Variants in RALGAPA2 observed in about 807,000 individuals in gnomAD.
The protein encoded by RALGAPA2 is Ral GTPase activating protein catalytic subunit alpha 2, also known as ral GTPase-activating protein subunit alpha-2.
Under a neutral mutation model 230.4 loss-of-function variants are expected in RALGAPA2, and 139 were observed. The observed-to-expected ratio is 0.60, with a 90% CI of 0.53 to 0.69. The LOEUF is 0.69. Among genes scored for constraint, RALGAPA2 ranks in the 30% least tolerant of loss-of-function variants. RALGAPA2 has a pLI of 0.00. For synonymous variants in RALGAPA2, 847 were observed against 837.8 expected (o/e 1.01, Z -0.19); for missense variants, 2,163 against 2,276.0 (o/e 0.95, Z 1.01).
intron 13 of RALGAPA2, 37 bp from the exon 14 acceptor site, chr20:20,611,463 A>C (rs2065973381): frequency 1.9e-6 from 3 of 1,601,322 alleles, no homozygotes; most frequent in Non-Finnish European, 2.6e-6. Flanking sequence ...ATTAATAATC[A>C]TGTCTCCAAA....
intron 17 of RALGAPA2, among the ~76,000 whole-genome samples, chr20:20,589,923 CAA>C (rs1234920462): frequency 6.6e-6 from 1 of 150,518 alleles, no homozygotes; most frequent in East Asian, 1.9e-4. Flanking sequence ...CATAATTTAT[CAA>C]AGTCAGAACA....
intron 30 of RALGAPA2, among the ~76,000 whole-genome samples, chr20:20,522,179 A>C (rs753282214): frequency 2.6e-5 from 4 of 151,970 alleles, no homozygotes; most frequent in Non-Finnish European, 5.9e-5. Flanking sequence ...TTCACCAATA[A>C]GGCAGAATAC....
intron 23 of RALGAPA2, among the ~76,000 whole-genome samples, chr20:20,558,446 G>C (rs1215423630): frequency 6.6e-6 from 1 of 152,144 alleles, no homozygotes; most frequent in East Asian, 1.9e-4. Context: ...ACAGATGATT[G>C]CTTCAGCTTA....
intron 1 of RALGAPA2, among the ~76,000 whole-genome samples, chr20:20,684,853 G>T (rs2068645137): frequency 6.6e-6 from 1 of 152,104 alleles, no homozygotes; most frequent in Non-Finnish European, 1.5e-5. Flanking sequence ...TACAAGAAAG[G>T]TACTTAACAC....
chr20:20,536,548 C>A, intron 25 of RALGAPA2, 108 bp downstream of exon 25: 1 of 1,269,130 alleles, frequency 7.9e-7, no homozygotes, highest in Non-Finnish European at 1.1e-6. Context: ...AAAGATACAG[C>A]AAAACTTCAG....
intron 23 of RALGAPA2, among the ~76,000 whole-genome samples, chr20:20,549,794 G>A (rs376682219): frequency 6.6e-6 from 1 of 152,092 alleles, no homozygotes; most frequent in Non-Finnish European, 1.5e-5. Flanking sequence ...TTAAGACACA[G>A]CTATAACAGA....
At position 20,591,230 on chromosome 20, in the gene RALGAPA2, C is replaced by T. The variant is rs752927876; in HGVS notation, c.2288G>A (p.Arg763Gln). Residue 763 changes from arginine (R) to glutamine (Q), a missense_variant, in exon 17 of 40, where the codon CGG (arginine) becomes CAG (glutamine). Transcript: ENST00000202677. Reference sequence around the variant, plus strand: ...GGGGATGTCGGAGGTGCTGCTGCTCCGAAGGACCTGCTGCTGCTGTCCCAC... The same window carrying T: ...GGGGATGTCGGAGGTGCTGCTGCTCTGAAGGACCTGCTGCTGCTGTCCCAC... ...LTVGQQQQVL[R>Q]SSSTSDIPEP... 16 of 1,613,738 alleles carry T rather than the reference C, an allele frequency of 9.9e-6. No individual in the cohort carries two copies. The highest frequency in any genetic ancestry group is 1.6e-4 in the Middle Eastern group (1 of 6,082).
Position 20,637,495 on chromosome 20 carries a change from T to G in RALGAPA2, c.673A>C (p.Ser225Arg), listed in dbSNP as rs2066895802. The G allele has an allele frequency of 9.0e-6, 14 of 1,562,910 alleles. No homozygotes were observed. Among genetic ancestry groups the G allele is most frequent in the Non-Finnish European group, 1.2e-5 (14 of 1,152,672 alleles). Residue 225 changes from serine (S) to arginine (R), a missense_variant, in exon 8 of 40, where the codon AGC becomes CGC. By Grantham distance (110) the Ser-to-Arg change is moderately radical (BLOSUM62 -1). Coordinates refer to ENST00000202677, the MANE Select transcript of RALGAPA2 (RefSeq NM_020343.4). The part of the protein sequence containing the change: ...LLKYMVIQAA[S>R]LEWKNKENQD... The stretch of plus-strand genomic sequence containing the variant: ...TTCTCCTTATTCTTCCACTCCAAGC[T>G]CGCAGCCTTTGGATAATATGTGGAA...
At chr20:20,580,911 T>C (rs1470961162) in intron 20 of RALGAPA2, among the ~76,000 whole-genome samples, 1 of 152,238 alleles carries the variant, frequency 6.6e-6, no homozygotes, top group African/African-American at 2.4e-5. Flanking sequence ...AATCAAATTG[T>C]TTCTCTTTGC....
intron 1 of RALGAPA2, among the ~76,000 whole-genome samples, chr20:20,699,294 A>G (rs2069246804): frequency 6.6e-6 from 1 of 152,216 alleles, no homozygotes; most frequent in Non-Finnish European, 1.5e-5. Flanking sequence ...TCCAAAATAA[A>G]TATTTGCAAT....
chr20:20,639,621 C>T (rs139362402), intron 7 of RALGAPA2, among the ~76,000 whole-genome samples, 164 bp downstream of exon 7: 242 of 152,112 alleles, frequency 1.6e-3, no homozygotes, highest in African/African-American at 5.7e-3. Context: ...GCTGAAGTGA[C>T]CTAAAAAATG....
chr20:20,396,600 T>C lies in RALGAPA2; in HGVS notation c.*35+95A>G. 4.2e-6 allele frequency: 5 copies of C among 1,195,612 alleles called. No homozygotes were observed. The South Asian group carries it at 6.0e-5, about 14-fold the overall frequency. 74.1% of individuals were successfully genotyped at this position (1,195,612 alleles called of 1,614,324 possible). On this transcript the variant is annotated intron_variant, in intron 39 of 39. Transcript: ENST00000202677. The stretch of plus-strand genomic sequence containing the variant: ...GGCCCAGGAGGGCGAGGAGCACTGA[T>C]GCAGGGTCCGCTACCGAGGGCAGCC...
chr20:20,440,269 G>A (rs928553252), intron 37 of RALGAPA2, among the ~76,000 whole-genome samples: 11 of 152,090 alleles, frequency 7.2e-5, no homozygotes, highest in South Asian at 4.1e-4. Flanking sequence ...TATGGAATTC[G>A]GGCCAAAATA....
chr20:20,598,424 A>G (rs1249367043), intron 16 of RALGAPA2, among the ~76,000 whole-genome samples: 7 of 152,178 alleles, frequency 4.6e-5, no homozygotes. Flanking sequence ...TTAAATAGCT[A>G]TGGACTGAAA....
chr20:20,497,797 G>A (rs572004256), intron 35 of RALGAPA2, among the ~76,000 whole-genome samples: 3 of 152,190 alleles, frequency 2.0e-5, no homozygotes, highest in Non-Finnish European at 4.4e-5. Flanking sequence ...TGGCAATTCT[G>A]TAATTAAGGA....
chr20:20,667,196 T>C (rs2067982135), intron 3 of RALGAPA2, among the ~76,000 whole-genome samples: 1 of 152,214 alleles, frequency 6.6e-6, no homozygotes, highest in African/African-American at 2.4e-5. Context: ...GTACTGGATA[T>C]AGCTATATTA....
At chr20:20,452,242 G>GT (rs2061003085) in intron 37 of RALGAPA2, among the ~76,000 whole-genome samples, 1 of 152,196 alleles carries the variant, frequency 6.6e-6, no homozygotes, top group African/African-American at 2.4e-5. Context: ...TACACTTTCA[G>GT]TAAGTATAAC....
At position 20,392,946 on chromosome 20, in the gene RALGAPA2, C is replaced by T. The variant is rs565399809; in HGVS notation, c.*343G>A. 51 of 659,046 alleles carry T rather than the reference C, an allele frequency of 7.7e-5. No individual in the cohort carries two copies. Among genetic ancestry groups the T allele is most frequent in the African/African-American group, 1.4e-4 (7 of 51,794 alleles). The allele number at this position is 659,046 out of a possible 1,614,324, so 40.8% of individuals were successfully genotyped here. ...CCCAGAGCAGCCACACCAGTGCCCA[C>T]GTGTCAGTGGGTTCATCTCTGGTTT... On this transcript the variant is annotated 3_prime_UTR_variant, in exon 40 of 40. Coordinates refer to ENST00000202677, the MANE Select transcript of RALGAPA2 (RefSeq NM_020343.4).
chr20:20,706,994 CAG>C (rs763823112), intron 1 of RALGAPA2, among the ~76,000 whole-genome samples: 5 of 152,092 alleles, frequency 3.3e-5, no homozygotes, highest in Admixed American at 6.5e-5. Flanking sequence ...CATTAAGGTC[CAG>C]ATCCCATGTC....
Sources: gnomAD v4.1 joint callset for allele counts (sites outside exome capture counted in the v4.1 genomes callset) on GRCh38, gnomAD v4.1.1 for gene constraint, MANE v1.5 for transcripts, NCBI Gene and HGNC (gene_info 2026-07-23, HGNC 2026-07-21) for gene names.